CFAP77: variants seen among roughly 807,000 people sequenced by gnomAD.
CFAP77 encodes cilia- and flagella-associated protein 77.
In CFAP77, 25 loss-of-function variants were observed where a neutral mutation model predicts 31.1. The ratio of observed to expected loss-of-function variants is 0.80; its 90% CI spans 0.59 to 1.12. The LOEUF is 1.12. Among genes scored for constraint, CFAP77 ranks in the 50% most tolerant of loss-of-function variants. The pLI, the probability that CFAP77 is intolerant of heterozygous loss-of-function variation, is 0.00. For synonymous variants in CFAP77, 151 were observed against 159.9 expected, an observed-to-expected ratio of 0.94 and a Z score of 0.42; for missense variants, 377 against 397.3, an observed-to-expected ratio of 0.95 and a Z score of 0.44.
chr9:132,529,886 G>T (rs1248283056), intron 3 of CFAP77, among the ~76,000 whole-genome samples: 3 of 151,868 alleles, frequency 2.0e-5, no homozygotes, highest in Non-Finnish European at 4.4e-5. Flanking sequence ...TTCCGGAGTG[G>T]CTGTGCCATT....
chr9:132,551,631 T>C (rs1852822053), intron 5 of CFAP77, among the ~76,000 whole-genome samples: 1 of 152,204 alleles, frequency 6.6e-6, no homozygotes, highest in African/African-American at 2.4e-5. Flanking sequence ...TCCCATTTCA[T>C]GTCAATAACT....
chr9:132,496,163 G>T (rs968390792), intron 1 of CFAP77, among the ~76,000 whole-genome samples: 2 of 152,050 alleles, frequency 1.3e-5, no homozygotes, highest in Non-Finnish European at 2.9e-5. Context: ...GCTCACTTTT[G>T]TTGTGAACCT....
In CFAP77 at chr9:132,552,325, C is replaced by A. The variant is rs1852836158; in HGVS notation, c.732+9278C>A. 6.6e-6 allele frequency among the ~76,000 whole-genome samples: 1 copy of A among 152,220 alleles called. No individual in the cohort carries two copies. Among genetic ancestry groups the A allele is most frequent in the African/African-American group, 2.4e-5 (1 of 41,462 alleles). On this transcript the variant is annotated intron_variant, in intron 5 of 5. Transcript: ENST00000393216. This position sits in a 1 kb window ranked among gnomAD's most constrained non-coding sequence, Gnocchi z 5.5. ...ACAAAGCCTCTGGGAGGGACGAGGC[C>A]CTGGAAGCTGCTCCTTTAGATGAGT...
At chr9:132,491,112 A>G (rs1234574638) in intron 1 of CFAP77, among the ~76,000 whole-genome samples, 1 of 152,126 alleles carries the variant, frequency 6.6e-6, no homozygotes, top group Non-Finnish European at 1.5e-5. Flanking sequence ...GCCACTCACA[A>G]CTCTGAACTG....
chr9:132,453,722 C>T (rs1850869465), intron 1 of CFAP77, among the ~76,000 whole-genome samples: 1 of 152,124 alleles, frequency 6.6e-6, no homozygotes, highest in Non-Finnish European at 1.5e-5. Context: ...ATCTTGCTGC[C>T]CACTCTTGTA....
In CFAP77 at chr9:132,420,678, AAAG is replaced by A. The variant is rs1174220535; in HGVS notation, c.195+10218_195+10220del. Among the ~76,000 whole-genome samples the A allele has an allele frequency of 3.9e-5, 6 of 151,940 alleles. No homozygotes were observed. The East Asian group carries it at 5.8e-4, about 15-fold the overall frequency. ...TGAGACTCTGTCTCAAAAAAAAAAA[AAAG>A]AAGAACAGAACAATAACTCTATGAT... On this transcript the variant is annotated intron_variant, in intron 1 of 5. Transcript: ENST00000393216.
At position 132,499,561 on chromosome 9, in the gene CFAP77, C is replaced by A. The variant is rs149876981; in HGVS notation, c.485C>A (p.Pro162His). The change falls in exon 3 of 6, where the codon CCC (proline) becomes CAC (histidine). Residue 162 changes from proline (P) to histidine (H), a missense_variant. Physicochemically the swap from Pro to His is moderately conservative, Grantham distance 77 (BLOSUM62 -2). Transcript: ENST00000393216. This position sits in a 1 kb window ranked among gnomAD's most constrained non-coding sequence, Gnocchi z 5.4. ...QDDRRMKKEP[P>H]PLPPNMTFGI... ...GACCGGCGCATGAAGAAAGAGCCGC[C>A]CCCTCTCCCTCCAAACATGACATTT... 119 of 1,614,208 alleles carry A rather than the reference C, an allele frequency of 7.4e-5. No homozygotes were observed. In the African/African-American group the frequency reaches 1.5e-3, roughly 21 times the overall value.
chr9:132,410,445 T>C lies in CFAP77; in HGVS notation c.174T>C (p.Phe58=). The C allele has an allele frequency of 6.3e-7, 1 of 1,588,496 alleles. No individual in the cohort carries two copies. The highest frequency in any genetic ancestry group is 8.5e-7 in the Non-Finnish European group (1 of 1,169,896). The change falls in exon 1 of 6, where the codon TTT becomes TTC. Residue 58 remains phenylalanine, a synonymous_variant. Transcript: ENST00000393216. ...ERLGVVRDSM[F]QNPLIVKAEL... Reference sequence around the variant, plus strand: ...TGGGGGTCGTGCGGGACTCCATGTTTCAGAACCCTCTCATCGTCAAGGTGA... The same window carrying C: ...TGGGGGTCGTGCGGGACTCCATGTTCCAGAACCCTCTCATCGTCAAGGTGA...
intron 3 of CFAP77, among the ~76,000 whole-genome samples, chr9:132,516,429 CG>C (rs1278971421): frequency 6.6e-6 from 1 of 151,912 alleles, no homozygotes; most frequent in Non-Finnish European, 1.5e-5. Context: ...GGTTTCTTGT[CG>C]GGATGAAATG....
At chr9:132,434,682 C>G (rs180814222) in intron 1 of CFAP77, among the ~76,000 whole-genome samples, 2 of 151,972 alleles carry the variant, frequency 1.3e-5, no homozygotes, top group African/African-American at 4.8e-5. Flanking sequence ...AATTGAAACA[C>G]GATTCATATC....
chr9:132,467,023 C>A (rs747967987), intron 1 of CFAP77, among the ~76,000 whole-genome samples: 1 of 151,994 alleles, frequency 6.6e-6, no homozygotes, highest in Admixed American at 6.5e-5. Context: ...ATTAAAAATA[C>A]AAAAATTAGC....
In CFAP77 at chr9:132,490,368, T is replaced by C. The variant is rs1441619054; in HGVS notation, c.196-8327T>C. 6.6e-6 allele frequency among the ~76,000 whole-genome samples: 1 copy of C among 152,224 alleles called. No homozygotes were observed. The highest frequency in any genetic ancestry group is 1.5e-5 in the Non-Finnish European group (1 of 68,040). On this transcript the variant is annotated intron_variant, in intron 1 of 5. Transcript: ENST00000393216. The surrounding 1 kb of genome is among the most constrained non-coding windows in gnomAD (Gnocchi z 4.6). ...GTGGCCCCTGTGTTTTGATGGCAGCTGAACTCAGATGTCTGTCACAACCTG... is the reference window on the plus strand; with the variant it reads ...GTGGCCCCTGTGTTTTGATGGCAGCCGAACTCAGATGTCTGTCACAACCTG...
At chr9:132,540,363 C>T (rs1211351863) in intron 4 of CFAP77, among the ~76,000 whole-genome samples, 3 of 152,198 alleles carry the variant, frequency 2.0e-5, no homozygotes, top group Admixed American at 1.3e-4. Context: ...TGGTTTGGAG[C>T]AGGTACCAGC....
intron 1 of CFAP77, among the ~76,000 whole-genome samples, chr9:132,412,237 C>G (rs1488671496): frequency 6.6e-6 from 1 of 152,212 alleles, no homozygotes; most frequent in Non-Finnish European, 1.5e-5. Context: ...TCTGCCCTGG[C>G]CCCTGGTGAC....
At chr9:132,453,734 CA>C (rs971846785) in intron 1 of CFAP77, among the ~76,000 whole-genome samples, 23 of 152,154 alleles carry the variant, frequency 1.5e-4, no homozygotes, top group Admixed American at 5.2e-4. Flanking sequence ...ACTCTTGTAG[CA>C]ATTCTTGGAT....
At chr9:132,556,310 C>T (rs1191757649) in intron 5 of CFAP77, among the ~76,000 whole-genome samples, 1 of 152,198 alleles carries the variant, frequency 6.6e-6, no homozygotes, top group East Asian at 1.9e-4. Flanking sequence ...CTGTGACCTC[C>T]CCTGTCCTGA....
At chr9:132,468,809 ACG>A (rs1554740243) in intron 1 of CFAP77, among the ~76,000 whole-genome samples, 1 of 149,160 alleles carries the variant, frequency 6.7e-6, no homozygotes, top group African/African-American at 2.5e-5. Flanking sequence ...ACACACACAC[ACG>A]CACGCACACA....
intron 1 of CFAP77, among the ~76,000 whole-genome samples, chr9:132,458,785 T>A (rs1850975273): frequency 6.6e-6 from 1 of 152,182 alleles, no homozygotes; most frequent in African/African-American, 2.4e-5. Flanking sequence ...AGGAGACGCT[T>A]CTGTTGGTGA....
chr9:132,473,489 G>A (rs1851295856), intron 1 of CFAP77, among the ~76,000 whole-genome samples: 2 of 152,198 alleles, frequency 1.3e-5, no homozygotes, highest in Admixed American at 6.5e-5. Context: ...CAGGCAAGTT[G>A]TAGTTCTCAA....
Sources: allele counts gnomAD v4.1 joint callset (sites outside exome capture counted in the v4.1 genomes callset), GRCh38; gene constraint gnomAD v4.1.1; non-coding constraint Gnocchi (gnomAD v3.1); transcripts MANE v1.5; gene names NCBI Gene and HGNC (gene_info 2026-07-23, HGNC 2026-07-21).